SNX13: variants seen among roughly 807,000 people sequenced by gnomAD.
SNX13 encodes the protein sorting nexin-13.
SNX13 carries 45 observed loss-of-function variants against 133.6 expected under a neutral mutation model. The observed-to-expected ratio is 0.34, with a 90% CI of 0.27 to 0.43. The LOEUF (loss-of-function observed/expected upper bound fraction) is 0.43. Ranked by LOEUF, SNX13 falls within the 20% of genes least tolerant of loss-of-function variation. The probability of loss-of-function intolerance (pLI) is 1.00; values close to 1 mark genes in which losing one functional copy is unlikely to be tolerated. For missense variants in SNX13, 1,032 were observed against 1,145.1 expected (o/e 0.90, Z 1.43); for synonymous variants, 414 against 373.9 (o/e 1.11, Z -1.24).
rs4721666 is a variant in SNX13 at position 17,877,044 on chromosome 7, T to C, written c.441-1254A>G. On this transcript the variant is annotated intron_variant, in intron 5 of 25. Transcript: ENST00000428135. ...TGCTGACTTAATTACTGTTACTTTT[T>C]GAAAAAAAAAAAAAAAAAAAAAAAG... is the stretch of plus-strand genomic sequence containing the variant. Among the ~76,000 whole-genome samples, 3 of 72,990 alleles carry C rather than the reference T, an allele frequency of 4.1e-5. 1 individual carries two copies. The highest frequency in any genetic ancestry group is 7.8e-4 in the East Asian group (1 of 1,282). The allele number at this position is 72,990 out of a possible 152,430, so 47.9% of individuals were successfully genotyped here.
chr7:17,857,490 A>C (rs1792064760), intron 9 of SNX13, among the ~76,000 whole-genome samples: 2 of 152,146 alleles, frequency 1.3e-5, no homozygotes, highest in Admixed American at 1.3e-4. Flanking sequence ...CCTCAACAAA[A>C]TACTAGTAAA....
chr7:17,869,902 A>G lies in SNX13; in HGVS notation c.754-1412T>C, dbSNP rs1237615326. ...CAGACACACACACACACACACACAC[A>G]CTTTTTCCAATGCTTCTTTTCAAAA... is the stretch of plus-strand genomic sequence containing the variant. On this transcript the variant is annotated intron_variant, in intron 8 of 25. Coordinates refer to ENST00000428135, the MANE Select transcript of SNX13 (RefSeq NM_015132.5). 2.0e-5 allele frequency among the ~76,000 whole-genome samples: 3 copies of G among 148,518 alleles called. No individual in the cohort carries two copies. The East Asian group carries it at 5.9e-4, about 29-fold the overall frequency.
In SNX13 at chr7:17,809,436, A is replaced by C. The variant is rs369478109; in HGVS notation, c.2064+5398T>G. ...CAATGCAACAAGAGCTAACTATCCT[A>C]AATATATGCACCCAATACAGGAGCA... On this transcript the variant is annotated intron_variant, in intron 20 of 25. Coordinates refer to ENST00000428135, the MANE Select transcript of SNX13 (RefSeq NM_015132.5). Among the ~76,000 whole-genome samples, 17 of 152,284 alleles carry C rather than the reference A, an allele frequency of 1.1e-4. No homozygotes were observed. In the South Asian group the frequency reaches 1.7e-3, roughly 15 times the overall value.
intron 1 of SNX13, among the ~76,000 whole-genome samples, chr7:17,910,408 T>G (rs895906709): frequency 3.3e-5 from 5 of 152,204 alleles, no homozygotes; most frequent in African/African-American, 1.2e-4. Flanking sequence ...GGCTTTCTTT[T>G]TCAAGTCAGC....
At chr7:17,925,113 C>A (rs750519599) in intron 1 of SNX13, among the ~76,000 whole-genome samples, 12 of 152,140 alleles carry the variant, frequency 7.9e-5, no homozygotes, top group Non-Finnish European at 1.5e-4. Flanking sequence ...ACTCAGGAGG[C>A]TGAGGCAGGA....
intron 16 of SNX13, among the ~76,000 whole-genome samples, chr7:17,827,380 G>A (rs1330206362): frequency 6.6e-6 from 1 of 151,924 alleles, no homozygotes; most frequent in Admixed American, 6.6e-5. Flanking sequence ...ATAATAGGAT[G>A]TGAATGAGCT....
At chr7:17,897,922 T>A (rs1379370961) in intron 1 of SNX13, 1 of 107,732 alleles carries the variant, frequency 9.3e-6, no homozygotes, top group African/African-American at 4.8e-5. Context: ...AAATTTAAAT[T>A]TCAAGGTAAG....
At chr7:17,895,716 T>A (rs1373265719) in intron 2 of SNX13, among the ~76,000 whole-genome samples, 1 of 152,136 alleles carries the variant, frequency 6.6e-6, no homozygotes, top group Non-Finnish European at 1.5e-5. Context: ...ACTTTAAAAA[T>A]GAATAAACTT....
chr7:17,798,725 T>C lies in SNX13; in HGVS notation c.2478A>G (p.Ser826=), dbSNP rs542618844. 56 of 1,571,512 alleles carry C rather than the reference T, an allele frequency of 3.6e-5. No individual in the cohort carries two copies. The Admixed American group carries it at 6.6e-4, about 18-fold the overall frequency. Residue 826 remains serine, a synonymous_variant, in exon 24 of 26, where the codon TCA becomes TCG. Transcript: ENST00000428135. ...TCACTGAGTCGGCTACTTGTTCAGG[T>C]GAAGTCATCCAGTCAACATGGTCAA... ...KIVDHVDWMT[S]PEQVADSVKR...
At position 17,898,663 on chromosome 7, in the gene SNX13, G is replaced by A. The variant is rs545815009; in HGVS notation, c.13-1217C>T. On this transcript the variant is annotated intron_variant, in intron 1 of 25. Coordinates refer to ENST00000428135, the MANE Select transcript of SNX13 (RefSeq NM_015132.5). Reference sequence around the variant, plus strand: ...GTAAATATATAGTTATATCACACGGGGATAAGTGCTATGGAGAAAAATAAA... The same window carrying A: ...GTAAATATATAGTTATATCACACGGAGATAAGTGCTATGGAGAAAAATAAA... 1.4e-4 allele frequency among the ~76,000 whole-genome samples: 21 copies of A among 152,178 alleles called. No homozygotes were observed. In the South Asian group the frequency reaches 3.9e-3, roughly 29 times the overall value.
chr7:17,899,091 T>A (rs990363345), intron 1 of SNX13: 4 of 152,224 alleles, frequency 2.6e-5, no homozygotes, highest in Non-Finnish European at 5.9e-5. Flanking sequence ...GTTCCTCTGA[T>A]AATACTTTGC....
chr7:17,889,936 G>A (rs1583642117), intron 5 of SNX13: 1 of 153,128 alleles, frequency 6.5e-6, no homozygotes, highest in South Asian at 2.1e-4. Context: ...ACTTCCAATA[G>A]ATATGTGTCA....
rs1333408532 is a variant in SNX13, at chr7:17,821,526, T to C, written c.1828A>G (p.Met610Val). Residue 610 changes from methionine to valine, a missense_variant, in exon 18 of 26, where the codon ATG (methionine) becomes GTG (valine). Met to Val is a conservative substitution (Grantham distance 21). Coordinates refer to ENST00000428135, the MANE Select transcript of SNX13 (RefSeq NM_015132.5). ...RRYSDFHDFHMRITEQFESLS... is the reference protein window; with the variant it reads ...RRYSDFHDFHVRITEQFESLS... The stretch of plus-strand genomic sequence containing the variant: ...TTCATTACCTGTTCAGTGATTCTCA[T>C]GTGGAAGTCATGGAAGTCACTATAA... 1.2e-6 allele frequency: 2 copies of C among 1,612,498 alleles called. No individual in the cohort carries two copies. The highest frequency in any genetic ancestry group is 1.7e-5 in the Admixed American group (1 of 59,766).
intron 1 of SNX13, chr7:17,898,825 A>T (rs1797504694): frequency 6.6e-6 from 1 of 152,108 alleles, no homozygotes; most frequent in Non-Finnish European, 1.5e-5. Context: ...CATTAATCAT[A>T]CCTTCTTTTA....
chr7:17,881,797 T>C (rs1163014559), intron 5 of SNX13: 3 of 152,184 alleles, frequency 2.0e-5, no homozygotes, highest in African/African-American at 4.8e-5. Context: ...AGAACTACTT[T>C]GTTAACGGTG....
chr7:17,828,603 G>A (rs1406069711), intron 16 of SNX13, among the ~76,000 whole-genome samples: 4 of 151,572 alleles, frequency 2.6e-5, no homozygotes, highest in South Asian at 4.1e-4. Flanking sequence ...TTAAAATGCA[G>A]ATATTCACTA....
At chr7:17,846,410 G>T (rs939650454) in intron 11 of SNX13, among the ~76,000 whole-genome samples, 1 of 152,070 alleles carries the variant, frequency 6.6e-6, no homozygotes, top group South Asian at 2.1e-4. Flanking sequence ...AGATGAAAAA[G>T]GTTGCCTATT....
chr7:17,803,567 A>C lies in SNX13; in HGVS notation c.2078T>G (p.Val693Gly). The C allele has an allele frequency of 6.2e-7, 1 of 1,609,126 alleles. No individual in the cohort carries two copies. Among genetic ancestry groups the C allele is most frequent in the Non-Finnish European group, 8.5e-7 (1 of 1,177,746 alleles). ...GDFARKMDTF[V>G]NPLRNSMRNV... is the part of the protein sequence containing the mutation. ...CCTCATTGAATTGCGAAGTGGATTTACAAAAGTGTCCATCTAAAGGGAAAA... is the reference window on the plus strand; with the variant it reads ...CCTCATTGAATTGCGAAGTGGATTTCCAAAAGTGTCCATCTAAAGGGAAAA... The change falls in exon 21 of 26, where the codon GTA (valine) becomes GGA (glycine). Residue 693 changes from valine to glycine, a missense_variant. Val to Gly is a moderately radical substitution (Grantham distance 109, BLOSUM62 -3). Transcript: ENST00000428135.
chr7:17,868,144 T>G, intron 9 of SNX13: 1 of 354,074 alleles, frequency 2.8e-6, no homozygotes, highest in South Asian at 3.8e-5. Flanking sequence ...TAGACACAGG[T>G]AGTAAAATAT....
Sources: allele counts gnomAD v4.1 joint callset (sites outside exome capture counted in the v4.1 genomes callset), GRCh38; gene constraint gnomAD v4.1.1; transcripts MANE v1.5; gene names NCBI Gene and HGNC (gene_info 2026-07-23, HGNC 2026-07-21).